The following PHKB variants were observed in gnomAD, a reference collection of about 807,000 sequenced individuals.
The protein encoded by PHKB is phosphorylase kinase regulatory subunit beta.
PHKB carries 122 observed loss-of-function variants against 152.1 expected under a neutral mutation model. The observed-to-expected ratio is 0.80, with a 90% CI of 0.69 to 0.93. The LOEUF is 0.93. PHKB is among the 40% of genes least tolerant of loss of function. The pLI, the probability that PHKB is intolerant of heterozygous loss-of-function variation, is 0.00. For synonymous variants in PHKB, 436 were observed against 464.9 expected (o/e 0.94, Z 0.80); for missense variants, 1,304 against 1,328.4 (o/e 0.98, Z 0.29).
At chr16:47,519,143 C>T (rs1036915805) in intron 6 of PHKB, among the ~76,000 whole-genome samples, 1 of 152,118 alleles carries the variant, frequency 6.6e-6, no homozygotes, top group Non-Finnish European at 1.5e-5. Flanking sequence ...CAACATAAGA[C>T]CTGTGAAAGT....
chr16:47,648,331 A>T (rs570550655), intron 16 of PHKB, among the ~76,000 whole-genome samples: 1 of 152,210 alleles, frequency 6.6e-6, no homozygotes, highest in Admixed American at 6.5e-5. Flanking sequence ...GTAGATCTGC[A>T]GAAGTTTTGC....
At chr16:47,659,989 G>A (rs1358108039) in intron 20 of PHKB, among the ~76,000 whole-genome samples, 2 of 151,960 alleles carry the variant, frequency 1.3e-5, no homozygotes, top group East Asian at 1.9e-4. Context: ...TCAGCCTCCC[G>A]AGTAGCTGGG....
At chr16:47,463,916 A>G (rs1969620335) in intron 1 of PHKB, 2 of 1,613,838 alleles carry the variant, frequency 1.2e-6, no homozygotes, top group Non-Finnish European at 1.7e-6. Flanking sequence ...TGCGACGCTT[A>G]TGATTAGAGC....
chr16:47,603,051 A>G (rs1026212528), intron 13 of PHKB, among the ~76,000 whole-genome samples: 4 of 152,322 alleles, frequency 2.6e-5, no homozygotes, highest in South Asian at 2.1e-4. Context: ...TTCTTGCCCA[A>G]TTGATCTCAA....
At chr16:47,536,855 C>CT (rs1246643844) in intron 6 of PHKB, among the ~76,000 whole-genome samples, 1 of 152,088 alleles carries the variant, frequency 6.6e-6, no homozygotes, top group East Asian at 1.9e-4. Flanking sequence ...GGTCTTGGCT[C>CT]TAAGTATAGT....
In PHKB at chr16:47,536,346, C is replaced by T. The variant is rs151001833; in HGVS notation, c.595-11087C>T. Among the ~76,000 whole-genome samples the T allele has an allele frequency of 7.6e-3, 1,159 of 152,248 alleles. 23 individuals are homozygous for T. Among genetic ancestry groups the T allele is most frequent in the African/African-American group, 0.027 (1,115 of 41,560 alleles). On this transcript the variant is annotated intron_variant, in intron 6 of 30. Transcript: ENST00000323584. ...GATTACAGGCGTGAGCCACCGCACC[C>T]GGCCGATCTTTATTTTTATATTCTA...
In PHKB at chr16:47,572,959, A is replaced by G. The variant is rs138571060; in HGVS notation, c.711-7336A>G. Among the ~76,000 whole-genome samples the G allele has an allele frequency of 1.6e-4, 25 of 152,298 alleles. No homozygotes were observed. In the East Asian group the frequency reaches 4.8e-3, roughly 29 times the overall value. On this transcript the variant is annotated intron_variant, in intron 7 of 30. Coordinates refer to ENST00000323584, the MANE Select transcript of PHKB (RefSeq NM_000293.3). ...TTGAGGCCATTATCTTGCTCATACAAGGTCCTTTCCCTTTCTGCCTGGTCC... is the reference window on the plus strand; with the variant it reads ...TTGAGGCCATTATCTTGCTCATACAGGGTCCTTTCCCTTTCTGCCTGGTCC...
chr16:47,690,420 A>G (rs928761456), intron 27 of PHKB, among the ~76,000 whole-genome samples: 4 of 152,238 alleles, frequency 2.6e-5, no homozygotes, highest in African/African-American at 9.6e-5. Flanking sequence ...TATGAAAATT[A>G]AAAACAACAC....
At chr16:47,575,147 A>G (rs1198474738) in intron 7 of PHKB, among the ~76,000 whole-genome samples, 1 of 152,228 alleles carries the variant, frequency 6.6e-6, no homozygotes, top group African/African-American at 2.4e-5. Context: ...AATTAAAACC[A>G]CAGTGATATA....
At chr16:47,509,898 A>T (rs181572715) in intron 4 of PHKB, among the ~76,000 whole-genome samples, 47 of 152,346 alleles carry the variant, frequency 3.1e-4, no homozygotes, top group African/African-American at 1.1e-3. Flanking sequence ...ACTCAGTCCC[A>T]CAAGACTACC....
At chr16:47,641,997 T>C (rs1299436029) in intron 16 of PHKB, among the ~76,000 whole-genome samples, 1 of 152,204 alleles carries the variant, frequency 6.6e-6, no homozygotes, top group Non-Finnish European at 1.5e-5. Context: ...AAGTTAGTCT[T>C]AATTTTAATA....
At chr16:47,547,784 G>C (rs1208465256) in intron 7 of PHKB, 1 of 476,296 alleles carries the variant, frequency 2.1e-6, no homozygotes. Context: ...CAAGGTGTCA[G>C]TACATGCATG....
chr16:47,480,089 A>G (rs909766655), intron 1 of PHKB, among the ~76,000 whole-genome samples: 4 of 152,194 alleles, frequency 2.6e-5, no homozygotes, highest in African/African-American at 9.7e-5. Flanking sequence ...TCATGACTAC[A>G]GTAATTAGTG....
chr16:47,490,240 G>A (rs1344823206), intron 1 of PHKB, among the ~76,000 whole-genome samples: 1 of 152,116 alleles, frequency 6.6e-6, no homozygotes, highest in African/African-American at 2.4e-5. Flanking sequence ...GAGAGCACCT[G>A]TCAAAGTTCT....
intron 1 of PHKB, among the ~76,000 whole-genome samples, chr16:47,475,784 G>T (rs1490800293): frequency 6.6e-6 from 1 of 152,152 alleles, no homozygotes; most frequent in Non-Finnish European, 1.5e-5. Flanking sequence ...GATAGAGAGT[G>T]TTAATCATTT....
chr16:47,627,504 G>A (rs1285053174), intron 14 of PHKB, among the ~76,000 whole-genome samples: 2 of 152,210 alleles, frequency 1.3e-5, no homozygotes, highest in Non-Finnish European at 2.9e-5. Context: ...AAGAACTGCT[G>A]TCAAAAAGCA....
At chr16:47,539,979 C>T (rs948414295) in intron 6 of PHKB, among the ~76,000 whole-genome samples, 1 of 152,138 alleles carries the variant, frequency 6.6e-6, no homozygotes, top group African/African-American at 2.4e-5. Context: ...CCCATAAGGT[C>T]TGACTGTCTG....
intron 13 of PHKB, among the ~76,000 whole-genome samples, chr16:47,597,598 A>G (rs939494936): frequency 2.6e-5 from 4 of 151,234 alleles, no homozygotes; most frequent in Non-Finnish European, 5.9e-5. Flanking sequence ...CAAGGTGTTG[A>G]TATTATTTAT....
At chr16:47,569,820 C>T (rs796641733) in intron 7 of PHKB, among the ~76,000 whole-genome samples, 7 of 152,172 alleles carry the variant, frequency 4.6e-5, no homozygotes, top group African/African-American at 1.7e-4. Context: ...CGATGTTTCA[C>T]CCATGTTGAC....
Sources: gnomAD v4.1 joint callset for allele counts (sites outside exome capture counted in the v4.1 genomes callset) on GRCh38, gnomAD v4.1.1 for gene constraint, MANE v1.5 for transcripts, NCBI Gene and HGNC (gene_info 2026-07-23, HGNC 2026-07-21) for gene names.